TNRC6B: variants seen among roughly 807,000 people sequenced by gnomAD.
TNRC6B encodes trinucleotide repeat containing adaptor 6B.
Under a neutral mutation model 203.6 loss-of-function variants are expected in TNRC6B, and 52 were observed. The observed-to-expected ratio is 0.26, with a 90% CI of 0.20 to 0.32. The LOEUF is 0.32. Ranked by LOEUF, TNRC6B falls within the 10% of genes least tolerant of loss-of-function variation. TNRC6B has a pLI of 1.00. For synonymous variants in TNRC6B, 838 were observed against 845.7 expected (o/e 0.99, Z 0.16); for missense variants, 1,923 against 2,286.2 (o/e 0.84, Z 3.24).
intron 3 of TNRC6B, among the ~76,000 whole-genome samples, chr22:40,132,777 AC>A (rs35425992): frequency 0.22 from 32,211 of 146,056 alleles, 3,845 homozygotes; most frequent in Admixed American, 0.32. Context: ...CGCCATCTCT[AC>A]TAAAAATACA....
rs528665894 is a variant in TNRC6B at position 40,207,676 on chromosome 22, T to C, written c.5+29536T>C. Among the ~76,000 whole-genome samples the C allele has an allele frequency of 4.0e-5, 6 of 151,686 alleles. No homozygotes were observed. In the East Asian group the frequency reaches 1.2e-3, roughly 29 times the overall value. ...AAGAAAAAAATGCTCAAAAGAAACA[T>C]AGAAATTTCACAGTAGAGAAAATCC... On this transcript the variant is annotated intron_variant, in intron 1 of 22. Coordinates refer to ENST00000454349, the MANE Select transcript of TNRC6B (RefSeq NM_001162501.2).
chr22:40,148,666 A>C (rs909310346), intron 3 of TNRC6B, among the ~76,000 whole-genome samples: 20 of 56,826 alleles, frequency 3.5e-4, no homozygotes, highest in African/African-American at 2.8e-3. Flanking sequence ...AATTATGTTG[A>C]AATACGAACT....
chr22:40,314,916 A>G (rs1353834252), intron 19 of TNRC6B, among the ~76,000 whole-genome samples: 4 of 152,224 alleles, frequency 2.6e-5, no homozygotes, highest in African/African-American at 7.2e-5. Context: ...AGAATACTTT[A>G]TTCTGCTAAT....
At chr22:40,212,786 T>C (rs2069582804) in intron 1 of TNRC6B, among the ~76,000 whole-genome samples, 1 of 152,130 alleles carries the variant, frequency 6.6e-6, no homozygotes, top group Non-Finnish European at 1.5e-5. Context: ...GTACCTGGGA[T>C]TAATAGGCAC....
At chr22:40,156,020 G>A (rs201887971) in intron 3 of TNRC6B, 5 of 1,071,572 alleles carry the variant, frequency 4.7e-6, no homozygotes, top group South Asian at 2.9e-5. Flanking sequence ...ACAGTGAAAC[G>A]GCCCTGTGGT....
At chr22:40,049,657 G>T (rs1453858890) in intron 1 of TNRC6B, among the ~76,000 whole-genome samples, 1 of 151,946 alleles carries the variant, frequency 6.6e-6, no homozygotes, top group Non-Finnish European at 1.5e-5. Flanking sequence ...AGGCTAGAGT[G>T]CAGTGGTGTG....
chr22:40,149,065 A>G lies in TNRC6B; in HGVS notation c.46-7050A>G, dbSNP rs77632706. ...CTCCTAGGTATTTACTCAATAAAAA[A>G]GAATACATATGTGAGTGTTCATAGC... On this transcript the variant is annotated intron_variant, in intron 3 of 23. Transcript: ENST00000301923. 3.6e-3 allele frequency among the ~76,000 whole-genome samples: 542 copies of G among 152,378 alleles called. 4 individuals carry two copies. The highest frequency in any genetic ancestry group is 0.014 in the Middle Eastern group (4 of 294).
At chr22:40,306,678 CT>C (rs1286001640) in intron 15 of TNRC6B, among the ~76,000 whole-genome samples, 2 of 152,104 alleles carry the variant, frequency 1.3e-5, no homozygotes, top group Non-Finnish European at 2.9e-5. Flanking sequence ...GCCTCAAACT[CT>C]TCTTTAAAAA....
At chr22:40,285,853 A>T in intron 12 of TNRC6B, 83 bp downstream of exon 12, 1 of 1,521,928 alleles carries the variant, frequency 6.6e-7, no homozygotes, top group East Asian at 2.3e-5. Flanking sequence ...TTGTGGGCAT[A>T]AAAAGAATGA....
chr22:40,145,904 G>T (rs2068691266), intron 3 of TNRC6B, among the ~76,000 whole-genome samples: 2 of 152,142 alleles, frequency 1.3e-5, no homozygotes, highest in South Asian at 4.1e-4. Context: ...AGTTTGAAAT[G>T]CTGGCATATA....
At chr22:40,193,589 G>C (rs926150263) in intron 1 of TNRC6B, among the ~76,000 whole-genome samples, 2 of 152,198 alleles carry the variant, frequency 1.3e-5, no homozygotes, top group Non-Finnish European at 2.9e-5. Flanking sequence ...CATAAAGTTA[G>C]TTGACTTGTA....
chr22:40,311,654 G>A (rs188458069), intron 17 of TNRC6B, among the ~76,000 whole-genome samples: 16 of 151,772 alleles, frequency 1.1e-4, no homozygotes, highest in Admixed American at 9.9e-4. Flanking sequence ...CGATTCTCCT[G>A]CCTCAGCCTC....
At chr22:40,153,905 TAAAG>T (rs556800140) in intron 3 of TNRC6B, among the ~76,000 whole-genome samples, 130 of 151,166 alleles carry the variant, frequency 8.6e-4, no homozygotes, top group African/African-American at 2.9e-3. Context: ...AATAAATCAT[TAAAG>T]AAAGGGAATA....
At chr22:40,081,919 G>A (rs923195816) in intron 1 of TNRC6B, among the ~76,000 whole-genome samples, 2 of 151,990 alleles carry the variant, frequency 1.3e-5, no homozygotes, top group African/African-American at 2.4e-5. Context: ...CACTTTTCTC[G>A]GTGGTGCCAT....
intron 5 of TNRC6B, among the ~76,000 whole-genome samples, 151 bp downstream of exon 5, chr22:40,267,187 A>G (rs1311631639): frequency 6.6e-6 from 1 of 152,172 alleles, no homozygotes; most frequent in Non-Finnish European, 1.5e-5. Flanking sequence ...CTTTTTATGA[A>G]ATGCTAGTGA....
intron 1 of TNRC6B, among the ~76,000 whole-genome samples, chr22:40,224,373 A>G (rs1203366733): frequency 6.6e-6 from 1 of 152,124 alleles, no homozygotes; most frequent in Non-Finnish European, 1.5e-5. Flanking sequence ...TTAGGAGGCT[A>G]TCTTTCCTTT....
chr22:40,070,165 C>T (rs8139242), intron 1 of TNRC6B, among the ~76,000 whole-genome samples: 4,728 of 152,086 alleles, frequency 0.031, 252 homozygotes, highest in African/African-American at 0.11. Context: ...TTGAGTTTTG[C>T]GTGTTCCGTG....
intron 1 of TNRC6B, among the ~76,000 whole-genome samples, chr22:40,098,384 C>CAAAAA (rs1056495905): frequency 0.011 from 587 of 51,376 alleles, 53 homozygotes; most frequent in African/African-American, 0.033. Context: ...GACTCCGTCT[C>CAAAAA]AAAAAAAAAA....
rs534565820 is a variant in TNRC6B at position 40,335,064 on chromosome 22, T to C, written c.*11823T>C. On this transcript the variant is annotated 3_prime_UTR_variant, in exon 23 of 23. Coordinates refer to ENST00000454349, the MANE Select transcript of TNRC6B (RefSeq NM_001162501.2). The stretch of plus-strand genomic sequence containing the variant: ...ACTTGAAGTTGCTTTTACGATATTA[T>C]TTTGGTGGCTTTCTTTTCTCTCTTT... 3 of 152,582 alleles carry C rather than the reference T, an allele frequency of 2.0e-5. No homozygotes were observed. In the South Asian group the frequency reaches 6.2e-4, roughly 32 times the overall value. The allele number at this position is 152,582 out of a possible 1,614,324, so 9.5% of individuals were successfully genotyped here. A position where few individuals can be genotyped will look rare whatever the true frequency, so the allele number is the denominator to read the frequency against.
Sources: gnomAD v4.1 joint callset for allele counts (sites outside exome capture counted in the v4.1 genomes callset) on GRCh38, gnomAD v4.1.1 for gene constraint, MANE v1.5 for transcripts, NCBI Gene and HGNC (gene_info 2026-07-23, HGNC 2026-07-21) for gene names.